GUCY1A2: variants seen among roughly 807,000 people sequenced by gnomAD.
GUCY1A2 encodes the protein guanylate cyclase soluble subunit alpha-2.
A neutral mutation model predicts 63.5 loss-of-function variants in GUCY1A2; 27 were observed. The ratio of observed to expected loss-of-function variants is 0.43; its 90% CI spans 0.31 to 0.59. The LOEUF is 0.59. Among genes scored for constraint, GUCY1A2 ranks in the 20% least tolerant of loss-of-function variants. GUCY1A2 has a pLI of 0.11. For missense variants in GUCY1A2, 768 were observed against 913.3 expected (o/e 0.84, Z 2.05); for synonymous variants, 364 against 343.5 (o/e 1.06, Z -0.66).
At chr11:106,998,805 AAAC>A (rs1861574070) in intron 1 of GUCY1A2, among the ~76,000 whole-genome samples, 1 of 152,174 alleles carries the variant, frequency 6.6e-6, no homozygotes, top group Non-Finnish European at 1.5e-5. Context: ...ATTAAAAAAA[AAAC>A]AGTTTATAAT....
rs750120487 is a variant in GUCY1A2, at chr11:106,893,208, C to T, written c.1206+46252G>A. Among the ~76,000 whole-genome samples the T allele has an allele frequency of 3.9e-5, 6 of 152,214 alleles. 1 individual carries two copies. Among genetic ancestry groups the T allele is most frequent in the African/African-American group, 1.4e-4 (6 of 41,548 alleles). ...CATCTCCTCAGTCCCAGGGAACTAG[C>T]GTCATATATATGACATAATTTTTGG... On this transcript the variant is annotated intron_variant, in intron 4 of 7. Coordinates refer to ENST00000526355, the MANE Select transcript of GUCY1A2 (RefSeq NM_000855.3).
In GUCY1A2 at chr11:106,730,517, T is replaced by C. The variant is rs534287125; in HGVS notation, c.1837-21851A>G. The stretch of plus-strand genomic sequence containing the variant: ...AACATTTTCTTTATCCAGTCTACCA[T>C]TGATGGACATTTAGGTTGATTCTAT... On this transcript the variant is annotated intron_variant, in intron 6 of 7. Coordinates refer to ENST00000526355, the MANE Select transcript of GUCY1A2 (RefSeq NM_000855.3). Among the ~76,000 whole-genome samples, 695 of 152,266 alleles carry C rather than the reference T, an allele frequency of 4.6e-3. 2 individuals carry two copies. The highest frequency in any genetic ancestry group is 7.5e-3 in the Non-Finnish European group (512 of 67,998).
At chr11:106,743,643 C>G (rs58170983) in intron 6 of GUCY1A2, among the ~76,000 whole-genome samples, 1 of 152,108 alleles carries the variant, frequency 6.6e-6, no homozygotes, top group South Asian at 2.1e-4. Flanking sequence ...TATCCATATA[C>G]TAATTTTGTA....
intron 2 of GUCY1A2, among the ~76,000 whole-genome samples, chr11:106,985,457 T>C (rs150145213): frequency 6.6e-6 from 1 of 152,222 alleles, no homozygotes; most frequent in Non-Finnish European, 1.5e-5. Flanking sequence ...AATCATTACA[T>C]CTAATCCTTG....
chr11:106,906,906 A>T lies in GUCY1A2; in HGVS notation c.1206+32554T>A, dbSNP rs540909149. On this transcript the variant is annotated intron_variant, in intron 4 of 7. Transcript: ENST00000526355. ...ACAATGAGAACACATGGACACAGGG[A>T]GGGGAAATTCACACATTGGGGCCTG... is the stretch of plus-strand genomic sequence containing the variant. 1.1e-3 allele frequency among the ~76,000 whole-genome samples: 165 copies of T among 152,188 alleles called. 1 individual carries two copies. The highest frequency in any genetic ancestry group is 3.7e-3 in the African/African-American group (155 of 41,536).
intron 4 of GUCY1A2, among the ~76,000 whole-genome samples, chr11:106,906,049 T>C (rs1449118652): frequency 1.3e-5 from 2 of 152,042 alleles, no homozygotes; most frequent in African/African-American, 4.8e-5. Context: ...ACTTCCTGAC[T>C]AAGACACCAA....
intron 5 of GUCY1A2, among the ~76,000 whole-genome samples, chr11:106,778,261 T>C (rs1040756995): frequency 6.6e-6 from 1 of 152,238 alleles, no homozygotes; most frequent in African/African-American, 2.4e-5. Context: ...ATGTGCTCCA[T>C]GTTCCTTCCT....
At chr11:106,690,351 ATGAG>A (rs1862601714) in intron 7 of GUCY1A2, among the ~76,000 whole-genome samples, 2 of 152,152 alleles carry the variant, frequency 1.3e-5, no homozygotes, top group Non-Finnish European at 2.9e-5. Flanking sequence ...TAAAAAAAGA[ATGAG>A]ATCATGTCAT....
chr11:106,739,385 A>C (rs1863649704), intron 6 of GUCY1A2, among the ~76,000 whole-genome samples: 1 of 152,182 alleles, frequency 6.6e-6, no homozygotes, highest in Non-Finnish European at 1.5e-5. Flanking sequence ...GAATCAACCA[A>C]AAAAGGATAC....
At chr11:106,794,497 TACAC>T (rs10560155) in intron 5 of GUCY1A2, among the ~76,000 whole-genome samples, 28 of 149,636 alleles carry the variant, frequency 1.9e-4, no homozygotes, top group East Asian at 2.0e-4. Context: ...ATGTCCTCAC[TACAC>T]ACACACACAC....
chr11:106,764,309 C>T (rs1480375479), intron 6 of GUCY1A2, among the ~76,000 whole-genome samples: 1 of 152,018 alleles, frequency 6.6e-6, no homozygotes, highest in Non-Finnish European at 1.5e-5. Flanking sequence ...TTAGCTTAGT[C>T]ATAAGATTAG....
intron 4 of GUCY1A2, among the ~76,000 whole-genome samples, chr11:106,924,286 G>A (rs11211976): frequency 0.16 from 23,608 of 152,186 alleles, 2,155 homozygotes; most frequent in South Asian, 0.27. Flanking sequence ...ACTGATTATA[G>A]TTCAATGGAC....
rs946457826 is a variant in GUCY1A2 at position 106,676,679 on chromosome 11, A to C, written c.*10870T>G. The C allele has an allele frequency of 4.7e-5, 9 of 192,304 alleles. No homozygotes were observed. Among genetic ancestry groups the C allele is most frequent in the African/African-American group, 1.9e-4 (8 of 43,198 alleles). 11.9% of individuals were successfully genotyped at this position (192,304 alleles called of 1,614,324 possible). On this transcript the variant is annotated 3_prime_UTR_variant, in exon 8 of 8. Transcript: ENST00000526355. Reference sequence around the variant, plus strand: ...TCTAGATAAAGAGCCAGTAAAATCAAGTTGCATTTGATGTATACATCTTAT... The same window carrying C: ...TCTAGATAAAGAGCCAGTAAAATCACGTTGCATTTGATGTATACATCTTAT...
At chr11:106,985,457 T>G (rs150145213) in intron 2 of GUCY1A2, among the ~76,000 whole-genome samples, 1 of 152,340 alleles carries the variant, frequency 6.6e-6, no homozygotes, top group East Asian at 1.9e-4. Context: ...AATCATTACA[T>G]CTAATCCTTG....
intron 4 of GUCY1A2, among the ~76,000 whole-genome samples, chr11:106,848,941 T>A (rs1226729243): frequency 6.6e-6 from 1 of 151,694 alleles, no homozygotes; most frequent in African/African-American, 2.4e-5. Context: ...TGAATTTTAC[T>A]TAGAATTCCA....
chr11:106,957,253 C>A (rs1373351805), intron 3 of GUCY1A2, among the ~76,000 whole-genome samples: 1 of 151,996 alleles, frequency 6.6e-6, no homozygotes, highest in Non-Finnish European at 1.5e-5. Flanking sequence ...CCCCTCCCCC[C>A]AGGAGCTCAA....
At chr11:106,799,544 T>A (rs1864831374) in intron 5 of GUCY1A2, among the ~76,000 whole-genome samples, 1 of 152,152 alleles carries the variant, frequency 6.6e-6, no homozygotes, top group African/African-American at 2.4e-5. Flanking sequence ...AAAACAGAGA[T>A]GTAGACCAAT....
chr11:106,789,982 A>G (rs944339035), intron 5 of GUCY1A2, among the ~76,000 whole-genome samples: 3 of 152,088 alleles, frequency 2.0e-5, no homozygotes, highest in Non-Finnish European at 4.4e-5. Flanking sequence ...GGTCTTGCTC[A>G]AGACCTGCTG....
chr11:106,854,633 C>T (rs1164072989), intron 4 of GUCY1A2, among the ~76,000 whole-genome samples: 1 of 152,162 alleles, frequency 6.6e-6, no homozygotes, highest in African/African-American at 2.4e-5. Context: ...TCAGGGCAGG[C>T]CTGCCCTCAG....
Sources: allele counts gnomAD v4.1 joint callset (sites outside exome capture counted in the v4.1 genomes callset), GRCh38; gene constraint gnomAD v4.1.1; transcripts MANE v1.5; gene names NCBI Gene and HGNC (gene_info 2026-07-23, HGNC 2026-07-21).